The following MOGAT2 variants were observed in gnomAD, a reference collection of about 807,000 sequenced individuals.
MOGAT2 encodes monoacylglycerol O-acyltransferase 2.
In MOGAT2, 27 loss-of-function variants were observed where a neutral mutation model predicts 31.5. The observed-to-expected ratio is 0.86, with a 90% CI of 0.63 to 1.18. The LOEUF is 1.18. MOGAT2 is among the 50% of genes most tolerant of loss of function. The probability of loss-of-function intolerance (pLI) is 0.00; values close to 1 mark genes in which losing one functional copy is unlikely to be tolerated. For missense variants in MOGAT2, 436 were observed against 433.2 expected, an observed-to-expected ratio of 1.01 and a Z score of -0.06; for synonymous variants, 163 against 170.0, an observed-to-expected ratio of 0.96 and a Z score of 0.32.
chr11:75,729,790 G>A (rs1944459093), intron 5 of MOGAT2, among the ~76,000 whole-genome samples: 2 of 140,824 alleles, frequency 1.4e-5, no homozygotes, highest in Admixed American at 1.5e-4. Context: ...TGTTGCCCAG[G>A]CTGGAGTGCA....
At chr11:75,721,503 G>A (rs1477250860) in intron 2 of MOGAT2, among the ~76,000 whole-genome samples, 1 of 152,058 alleles carries the variant, frequency 6.6e-6, no homozygotes, top group African/African-American at 2.4e-5. Context: ...GGCTGGTCTC[G>A]AACTCCCGAC....
At chr11:75,721,442 C>G (rs1371433684) in intron 2 of MOGAT2, among the ~76,000 whole-genome samples, 1 of 152,116 alleles carries the variant, frequency 6.6e-6, no homozygotes, top group African/African-American at 2.4e-5. Context: ...GCCACCACAC[C>G]TGGCTAATTT....
Position 75,717,969 on chromosome 11 carries a change from C to T in MOGAT2, c.81C>T (p.Phe27=), listed in dbSNP as rs1310759567. ...CTGTCCTACAGTTTGTCTTCTCCTT[C>T]TTGGCACTGGGTAAGTTGGGCTGCA... ...TLAVLQFVFS[F]LALAEICTVG... Residue 27 remains phenylalanine (F), a synonymous_variant, in exon 1 of 6, where the codon TTC becomes TTT. Coordinates refer to ENST00000198801, the MANE Select transcript of MOGAT2 (RefSeq NM_025098.4). The T allele has an allele frequency of 6.2e-7, 1 of 1,614,074 alleles. No homozygotes were observed. The highest frequency in any genetic ancestry group is 1.7e-5 in the Admixed American group (1 of 60,016).
intron 2 of MOGAT2, among the ~76,000 whole-genome samples, chr11:75,723,960 C>G (rs1273982733): frequency 6.6e-6 from 1 of 152,152 alleles, no homozygotes; most frequent in East Asian, 1.9e-4. Flanking sequence ...CAGCACTTCA[C>G]AAACCTCCCC....
chr11:75,728,504 T>A (rs1441234289), intron 4 of MOGAT2: 1 of 553,872 alleles, frequency 1.8e-6, no homozygotes, highest in Admixed American at 3.1e-5. Flanking sequence ...GATATTTTTC[T>A]AGGAAAAACA....
At position 75,723,834 on chromosome 11, in the gene MOGAT2, C is replaced by T. The variant is rs947918352; in HGVS notation, c.271-3601C>T. On this transcript the variant is annotated intron_variant, in intron 2 of 5. Coordinates refer to ENST00000198801, the MANE Select transcript of MOGAT2 (RefSeq NM_025098.4). ...GCCCTTCTCCAGGCCCCACTGCCTA[C>T]TGCACACCCAGCCTGCCAGGGCATG... Among the ~76,000 whole-genome samples the T allele has an allele frequency of 2.4e-4, 36 of 152,338 alleles. No homozygotes were observed. The Middle Eastern group carries it at 0.01, about 43-fold the overall frequency.
chr11:75,722,831 C>G (rs1034661941), intron 2 of MOGAT2, among the ~76,000 whole-genome samples: 1 of 152,268 alleles, frequency 6.6e-6, no homozygotes, highest in African/African-American at 2.4e-5. Flanking sequence ...AACGTCCGTC[C>G]TTCCTGCTCC....
At position 75,728,086 on chromosome 11, in the gene MOGAT2, T is replaced by C. The variant is rs1230910843; in HGVS notation, c.592T>C (p.Ser198Pro). ...GGAGGCCCTGGATGCCAGGCCTGGA[T>C]CCTTCACGCTGTTACTGCGGAACCG... ...AQEALDARPG[S>P]FTLLLRNRKG... The change falls in exon 4 of 6, where the codon TCC (serine) becomes CCC (proline). Residue 198 changes from serine (S) to proline (P), a missense_variant. Physicochemically the swap from Ser to Pro is moderately conservative, Grantham distance 74. Coordinates refer to ENST00000198801, the MANE Select transcript of MOGAT2 (RefSeq NM_025098.4). 2 of 1,614,132 alleles carry C rather than the reference T, an allele frequency of 1.2e-6. No individual in the cohort carries two copies. The highest frequency in any genetic ancestry group is 2.2e-5 in the East Asian group (1 of 44,894).
chr11:75,726,886 A>T (rs1407549517), intron 2 of MOGAT2, among the ~76,000 whole-genome samples: 1 of 151,940 alleles, frequency 6.6e-6, no homozygotes, highest in African/African-American at 2.4e-5. Context: ...TTTAGTAGAG[A>T]TGGAGTTTCA....
intron 2 of MOGAT2, among the ~76,000 whole-genome samples, chr11:75,725,411 G>A (rs1280308603): frequency 6.6e-6 from 1 of 152,100 alleles, no homozygotes; most frequent in African/African-American, 2.4e-5. Flanking sequence ...AGCCAAGTGT[G>A]ATGGCATGTG....
intron 1 of MOGAT2, chr11:75,719,704 G>T: frequency 2.3e-6 from 1 of 433,782 alleles, no homozygotes; most frequent in Non-Finnish European, 4.2e-6. Flanking sequence ...GGACAGGCAG[G>T]GGATGGAGTG....
intron 2 of MOGAT2, among the ~76,000 whole-genome samples, chr11:75,725,848 A>G (rs1944417510): frequency 6.6e-6 from 1 of 152,182 alleles, no homozygotes; most frequent in Non-Finnish European, 1.5e-5. Flanking sequence ...GGGCAGTCCT[A>G]TCAGGGAGCC....
intron 3 of MOGAT2, 106 bp from the exon 4 acceptor site, chr11:75,727,864 C>A: frequency 7.9e-7 from 1 of 1,264,404 alleles, no homozygotes; most frequent in Non-Finnish European, 1.1e-6. Context: ...GGGGGAAAAA[C>A]CCCAGGCCTC....
chr11:75,727,822 T>C, intron 3 of MOGAT2, 148 bp from the exon 4 acceptor site: 1 of 1,022,890 alleles, frequency 9.8e-7, no homozygotes, highest in Non-Finnish European at 1.4e-6. Flanking sequence ...GGGAGAAGAC[T>C]CAGGGAGCTC....
chr11:75,727,445 C>A lies in MOGAT2; in HGVS notation c.281C>A (p.Thr94Asn), dbSNP rs146955056. The change falls in exon 3 of 6, where the codon ACT becomes AAT. Residue 94 changes from threonine to asparagine, a missense_variant. Physicochemically the swap from Thr to Asn is moderately conservative, Grantham distance 65. Transcript: ENST00000198801. ...TTGCCGTCCCTGCAGCTGGTCAAGA[C>A]TGCTGAGCTGGACCCCTCTCGGAAC... ...KDYFPISLVKTAELDPSRNYI... is the reference protein window; with the variant it reads ...KDYFPISLVKNAELDPSRNYI... The A allele has an allele frequency of 2.0e-5, 32 of 1,613,870 alleles. No homozygotes were observed. The African/African-American group carries it at 4.0e-4, about 20-fold the overall frequency.
rs779775299 is a variant in MOGAT2, at chr11:75,728,007, T to C, written c.513T>C (p.Ile171=). The change falls in exon 4 of 6, where the codon ATT becomes ATC. Residue 171 remains isoleucine (I), a synonymous_variant. Coordinates refer to ENST00000198801, the MANE Select transcript of MOGAT2 (RefSeq NM_025098.4). The part of the protein sequence containing the change: ...VTSEKESAAH[I]LNRKGGGNLL... The stretch of plus-strand genomic sequence containing the variant: ...CAGAAAAGGAGAGTGCTGCTCACAT[T>C]CTGAACAGGAAGGGTGGCGGAAACT... 3 of 1,613,588 alleles carry C rather than the reference T, an allele frequency of 1.9e-6. No homozygotes were observed. The highest frequency in any genetic ancestry group is 2.5e-6 in the Non-Finnish European group (3 of 1,179,760).
At chr11:75,725,488 C>T (rs1944413782) in intron 2 of MOGAT2, among the ~76,000 whole-genome samples, 1 of 152,042 alleles carries the variant, frequency 6.6e-6, no homozygotes, top group African/African-American at 2.4e-5. Flanking sequence ...GTGGAGGTTG[C>T]AGTGAGCTGA....
At chr11:75,725,874 T>G (rs1239291947) in intron 2 of MOGAT2, among the ~76,000 whole-genome samples, 1 of 152,206 alleles carries the variant, frequency 6.6e-6, no homozygotes, top group African/African-American at 2.4e-5. Flanking sequence ...ATGGGGTATG[T>G]GTGATTGGGC....
intron 2 of MOGAT2, among the ~76,000 whole-genome samples, chr11:75,723,983 A>G (rs1365223567): frequency 1.3e-5 from 2 of 151,772 alleles, no homozygotes; most frequent in African/African-American, 4.8e-5. Context: ...TTCTTTGTTT[A>G]CCCCCCTTGA....
Sources: gnomAD v4.1 joint callset for allele counts (sites outside exome capture counted in the v4.1 genomes callset) on GRCh38, gnomAD v4.1.1 for gene constraint, MANE v1.5 for transcripts, NCBI Gene and HGNC (gene_info 2026-07-23, HGNC 2026-07-21) for gene names.